IQCJ: variants seen among roughly 807,000 people sequenced by gnomAD.
The protein encoded by IQCJ is IQ domain-containing protein J.
Under a neutral mutation model 11.0 loss-of-function variants are expected in IQCJ, and 9 were observed. The ratio of observed to expected loss-of-function variants is 0.82; its 90% CI spans 0.49 to 1.43. The LOEUF (loss-of-function observed/expected upper bound fraction) is 1.43. Ranked by LOEUF, IQCJ falls within the 40% of genes most tolerant of loss-of-function variation. The pLI, the probability that IQCJ is intolerant of heterozygous loss-of-function variation, is 0.00. For synonymous variants in IQCJ, 55 were observed against 51.3 expected (o/e 1.07, Z -0.31); for missense variants, 146 against 133.2 (o/e 1.10, Z -0.47).
intron 1 of IQCJ, among the ~76,000 whole-genome samples, chr3:159,226,481 G>C (rs1319996620): frequency 1.3e-5 from 2 of 152,150 alleles, no homozygotes; most frequent in Admixed American, 1.3e-4. Context: ...GGAGTTCTGT[G>C]TCAGGAACCA....
chr3:159,107,022 G>T (rs1032105517), intron 1 of IQCJ, among the ~76,000 whole-genome samples: 2 of 152,142 alleles, frequency 1.3e-5, no homozygotes, highest in African/African-American at 4.8e-5. Flanking sequence ...CTGTTGTTCT[G>T]CAAATTATGA....
chr3:159,211,406 G>C (rs1724943168), intron 1 of IQCJ, among the ~76,000 whole-genome samples: 2 of 152,162 alleles, frequency 1.3e-5, no homozygotes, highest in Non-Finnish European at 2.9e-5. Flanking sequence ...GGTTTGCTGA[G>C]GAAAGCTTCA....
intron 1 of IQCJ, among the ~76,000 whole-genome samples, chr3:159,180,468 T>C (rs1181479167): frequency 6.6e-6 from 1 of 152,126 alleles, no homozygotes; most frequent in Non-Finnish European, 1.5e-5. Flanking sequence ...TAAAAATGAT[T>C]CAGCAGAAAG....
chr3:159,208,772 G>A (rs1724794607), intron 1 of IQCJ, among the ~76,000 whole-genome samples: 1 of 152,216 alleles, frequency 6.6e-6, no homozygotes, highest in Admixed American at 6.5e-5. Context: ...AATCTTTGCA[G>A]ACATAATTGA....
chr3:159,191,581 G>A (rs1275933875), intron 1 of IQCJ, among the ~76,000 whole-genome samples: 1 of 152,172 alleles, frequency 6.6e-6, no homozygotes, highest in East Asian at 1.9e-4. Flanking sequence ...AAGGCTTTGA[G>A]TCAGTTTATT....
intron 1 of IQCJ, among the ~76,000 whole-genome samples, chr3:159,182,042 G>A (rs943954196): frequency 2.6e-5 from 4 of 151,610 alleles, no homozygotes; most frequent in Admixed American, 1.3e-4. Flanking sequence ...CACTGGCCTT[G>A]TTTCCTCTAC....
At chr3:159,105,316 T>A (rs1718186193) in intron 1 of IQCJ, among the ~76,000 whole-genome samples, 1 of 152,214 alleles carries the variant, frequency 6.6e-6, no homozygotes, top group Non-Finnish European at 1.5e-5. Flanking sequence ...TTTGTTACAA[T>A]TACCACCCTC....
downstream of IQCJ, chr3:159,263,752 T>C (rs1188102461): frequency 1.0e-6 from 1 of 985,172 alleles, no homozygotes; most frequent in African/African-American, 1.7e-5. Flanking sequence ...AATAAATGGT[T>C]TTGCCTAGAT....
intron 1 of IQCJ, among the ~76,000 whole-genome samples, chr3:159,190,528 C>A (rs1723621973): frequency 6.6e-6 from 1 of 152,176 alleles, no homozygotes; most frequent in African/African-American, 2.4e-5. Context: ...TCAGAGGCAG[C>A]TGGAAGTTTA....
At chr3:159,223,836 G>C (rs2108126962) in intron 1 of IQCJ, among the ~76,000 whole-genome samples, 1 of 152,146 alleles carries the variant, frequency 6.6e-6, no homozygotes, top group Middle Eastern at 3.4e-3. Context: ...TTAAAATATT[G>C]TATAAAATTA....
chr3:159,190,677 A>G (rs1312222888), intron 1 of IQCJ, among the ~76,000 whole-genome samples: 1 of 152,256 alleles, frequency 6.6e-6, no homozygotes, highest in Non-Finnish European at 1.5e-5. Context: ...GGGGTCATTA[A>G]GGATGCAGCA....
intron 1 of IQCJ, among the ~76,000 whole-genome samples, chr3:159,102,914 C>A (rs138082876): frequency 6.6e-6 from 1 of 152,152 alleles, no homozygotes; most frequent in Non-Finnish European, 1.5e-5. Flanking sequence ...ATATGATCAT[C>A]CTGTATTGAT....
intron 1 of IQCJ, among the ~76,000 whole-genome samples, chr3:159,147,418 T>A (rs1720981030): frequency 6.6e-6 from 1 of 152,214 alleles, no homozygotes; most frequent in South Asian, 2.1e-4. Flanking sequence ...AATAATAGGT[T>A]ACGTTTTCAG....
At chr3:159,158,236 A>G (rs1560007382) in intron 1 of IQCJ, among the ~76,000 whole-genome samples, 1 of 152,224 alleles carries the variant, frequency 6.6e-6, no homozygotes, top group Non-Finnish European at 1.5e-5. Flanking sequence ...TACAAGCAGC[A>G]GTTCTAGAAG....
chr3:159,088,589 G>C (rs1450643277), intron 1 of IQCJ, among the ~76,000 whole-genome samples: 2 of 152,188 alleles, frequency 1.3e-5, no homozygotes, highest in African/African-American at 2.4e-5. Flanking sequence ...CTTGCTTTGT[G>C]AATCTGGGTG....
In IQCJ at chr3:159,204,719, T is replaced by G. The variant is rs1476251060; in HGVS notation, c.10-41124T>G. ...GGCCATCTTCAATCTGCCATAATGA[T>G]GGATGAGTCTTCTTATAAATAATAG... On this transcript the variant is annotated intron_variant, in intron 1 of 3. Coordinates refer to ENST00000397832, the MANE Select transcript of IQCJ (RefSeq NM_001042706.3). Among the ~76,000 whole-genome samples, 3 of 152,324 alleles carry G rather than the reference T, an allele frequency of 2.0e-5. No homozygotes were observed. In the East Asian group the frequency reaches 5.8e-4, roughly 29 times the overall value.
At chr3:159,081,692 A>G (rs1576990425) in intron 1 of IQCJ, among the ~76,000 whole-genome samples, 1 of 152,216 alleles carries the variant, frequency 6.6e-6, no homozygotes, top group African/African-American at 2.4e-5. Flanking sequence ...CATCTATTCT[A>G]ACTCTTCTTC....
intron 1 of IQCJ, among the ~76,000 whole-genome samples, chr3:159,214,564 A>G (rs967265095): frequency 6.6e-5 from 10 of 152,298 alleles, no homozygotes; most frequent in African/African-American, 1.9e-4. Context: ...CTGTCTTTCA[A>G]TGACTCAATT....
intron 1 of IQCJ, among the ~76,000 whole-genome samples, chr3:159,241,886 A>G (rs1160280808): frequency 6.6e-6 from 1 of 152,248 alleles, no homozygotes; most frequent in Non-Finnish European, 1.5e-5. Context: ...AAAGAAGTGA[A>G]TAAGAGCATA....
Sources: gnomAD v4.1 joint callset for allele counts (sites outside exome capture counted in the v4.1 genomes callset) on GRCh38, gnomAD v4.1.1 for gene constraint, MANE v1.5 for transcripts, NCBI Gene and HGNC (gene_info 2026-07-23, HGNC 2026-07-21) for gene names.